SACS: variants seen among roughly 807,000 people sequenced by gnomAD.
SACS encodes sacsin.
Under a neutral mutation model 348.0 loss-of-function variants are expected in SACS, and 197 were observed. That is an observed-to-expected ratio of 0.57 (90% CI 0.50 to 0.64). The LOEUF is 0.64. SACS is among the 30% of genes least tolerant of loss of function. The pLI, the probability that SACS is intolerant of heterozygous loss-of-function variation, is 0.00. For synonymous variants in SACS, 1,985 were observed against 1,910.6 expected, an observed-to-expected ratio of 1.04 and a Z score of -1.02; for missense variants, 4,999 against 5,360.8, an observed-to-expected ratio of 0.93 and a Z score of 2.11.
At chr13:23,379,712 C>G (rs1360550097) in intron 2 of SACS, among the ~76,000 whole-genome samples, 1 of 152,176 alleles carries the variant, frequency 6.6e-6, no homozygotes, top group African/African-American at 2.4e-5. Flanking sequence ...ACAGCAACAC[C>G]TCTGCTTGTA....
At position 23,397,351 on chromosome 13, in the gene SACS, C is replaced by G. The variant is rs931534019; in HGVS notation, c.20+13869G>C. Among the ~76,000 whole-genome samples, 3 of 152,102 alleles carry G rather than the reference C, an allele frequency of 2.0e-5. No individual in the cohort carries two copies. The East Asian group carries it at 5.8e-4, about 29-fold the overall frequency. ...CAAATATAGGACAAAACTTGAATAA[C>G]TATAAAAAGTTGTAAAAGGTTTGTG... is the stretch of plus-strand genomic sequence containing the variant. On this transcript the variant is annotated intron_variant, in intron 2 of 9. Transcript: ENST00000382292.
Position 23,341,371 on chromosome 13 carries a change from C to T in SACS, c.2505G>A (p.Gln835=), listed in dbSNP as rs778888172. Reference sequence around the variant, plus strand: ...CAATGTCTGCTAAAAATTCTGGAAGCTGTGCTTCAGATTCATCGTCTAAAA... The same window carrying T: ...CAATGTCTGCTAAAAATTCTGGAAGTTGTGCTTCAGATTCATCGTCTAAAA... ...LVILDDESEA[Q]LPEFLADIVQ... Residue 835 remains glutamine (Q), a synonymous_variant, in exon 10 of 10, where the codon CAG becomes CAA. Coordinates refer to ENST00000382292, the MANE Select transcript of SACS (RefSeq NM_014363.6). 1.2e-6 allele frequency: 2 copies of T among 1,606,970 alleles called. No individual in the cohort carries two copies. Among genetic ancestry groups the T allele is most frequent in the Middle Eastern group, 1.7e-4 (1 of 6,026 alleles).
rs1868549270 is a variant in SACS at position 23,335,907 on chromosome 13, C to G, written c.7969G>C (p.Gly2657Arg). The G allele has an allele frequency of 1.9e-6, 3 of 1,613,106 alleles. No homozygotes were observed. Among genetic ancestry groups the G allele is most frequent in the Non-Finnish European group, 2.5e-6 (3 of 1,179,194 alleles). Residue 2657 changes from glycine (G) to arginine (R), a missense_variant, in exon 10 of 10, where the codon GGG becomes CGG. Transcript: ENST00000382292. The surrounding 1 kb of genome is among the most constrained non-coding windows in gnomAD (Gnocchi z 4.7). ...IFDPHARYAP[G>R]ATSISPGRMF... ...CGTCCGGGACTAATGGATGTGGCCC[C>G]TGGTGCATATCTGGCATGAGGATCA...
chr13:23,372,272 T>A (rs919268335), intron 3 of SACS, among the ~76,000 whole-genome samples: 5 of 152,206 alleles, frequency 3.3e-5, no homozygotes, highest in African/African-American at 1.2e-4. Context: ...ATGAAAATGA[T>A]GTACAGAAAG....
intron 6 of SACS, among the ~76,000 whole-genome samples, chr13:23,363,426 C>A (rs1371890039): frequency 1.3e-5 from 2 of 150,870 alleles, no homozygotes; most frequent in Non-Finnish European, 3.0e-5. Context: ...CAGGTTTCAA[C>A]ATGTTGGCCA....
rs75717149 is a variant in SACS at position 23,395,529 on chromosome 13, C to G, written c.20+15691G>C. On this transcript the variant is annotated intron_variant, in intron 2 of 9. Transcript: ENST00000382292. ...GTTGTCTTTGAAACCCCTACTTCTCCACCATCCACCTGTCCACTTCTGCCA... is the reference window on the plus strand; with the variant it reads ...GTTGTCTTTGAAACCCCTACTTCTCGACCATCCACCTGTCCACTTCTGCCA... Among the ~76,000 whole-genome samples the G allele has an allele frequency of 9.3e-3, 1,417 of 152,178 alleles. 43 individuals are homozygous for G. Among genetic ancestry groups the G allele is most frequent in the Admixed American group, 0.048 (740 of 15,276 alleles).
rs569711314 is a variant in SACS at position 23,355,750 on chromosome 13, T to A, written c.862A>T (p.Asn288Tyr). The A allele has an allele frequency of 1.2e-6, 2 of 1,614,206 alleles. No individual in the cohort carries two copies. The highest frequency in any genetic ancestry group is 1.7e-5 in the Admixed American group (1 of 60,024). ...AACAACTCAAGAACCTTCTGCTTATTGTAGAGGTTACTACTAAGTTGTGAA... is the reference window on the plus strand; with the variant it reads ...AACAACTCAAGAACCTTCTGCTTATAGTAGAGGTTACTACTAAGTTGTGAA... ...QPSQLSSNLY[N>Y]KQKVLELFES... The change falls in exon 8 of 10, where the codon AAT becomes TAT. Residue 288 changes from asparagine to tyrosine, a missense_variant. Asn to Tyr is a moderately radical substitution (Grantham distance 143). Coordinates refer to ENST00000382292, the MANE Select transcript of SACS (RefSeq NM_014363.6).
intron 1 of SACS, among the ~76,000 whole-genome samples, chr13:23,433,176 C>CAT (rs768030886): frequency 3.3e-4 from 51 of 152,294 alleles, no homozygotes; most frequent in Non-Finnish European, 5.9e-4. Flanking sequence ...AGAATCCCAT[C>CAT]TTATTGTTCA....
chr13:23,429,512 G>A lies in SACS; in HGVS notation c.-502+4103C>T, dbSNP rs537907980. ...TGAGTAACTGGGACTACAGGCGCCC[G>A]CCACCATGCCCGGCTAATTTTTTTG... On this transcript the variant is annotated intron_variant, in intron 1 of 9. Transcript: ENST00000382292. Among the ~76,000 whole-genome samples the A allele has an allele frequency of 5.8e-4, 88 of 151,910 alleles. 1 individual carries two copies. The highest frequency in any genetic ancestry group is 1.8e-3 in the African/African-American group (74 of 41,474).
At chr13:23,356,080 A>T (rs1296681013) in intron 7 of SACS, 73 bp from the exon 8 acceptor site, 1 of 1,288,740 alleles carries the variant, frequency 7.8e-7, no homozygotes, top group Non-Finnish European at 1.1e-6. Flanking sequence ...TATAATAAAT[A>T]TATGAAAAAG....
At chr13:23,430,603 A>G (rs1378100051) in intron 1 of SACS, among the ~76,000 whole-genome samples, 2 of 152,228 alleles carry the variant, frequency 1.3e-5, no homozygotes, top group African/African-American at 4.8e-5. Flanking sequence ...AATTCTAGAT[A>G]CGTATAGAAT....
At chr13:23,420,552 G>C (rs12430080) in intron 1 of SACS, among the ~76,000 whole-genome samples, 2,694 of 152,064 alleles carry the variant, frequency 0.018, 158 homozygotes, top group Admixed American at 0.11. Context: ...GTGGCCCAAT[G>C]TAAATCTGGG....
Position 23,339,704 on chromosome 13 carries a change from A to G in SACS, c.4172T>C (p.Ile1391Thr), listed in dbSNP as rs755961032. The G allele has an allele frequency of 3.7e-5, 59 of 1,614,026 alleles. No homozygotes were observed. The highest frequency in any genetic ancestry group is 4.4e-5 in the Non-Finnish European group (52 of 1,180,008). The part of the protein sequence containing the change: ...IHHSKNPSKL[I>T]MKPIHECCYC... Reference sequence around the variant, plus strand: ...ACAGCATTCGTGAATTGGCTTCATGATAAGTTTAGAAGGATTTTTGCTATG... The same window carrying G: ...ACAGCATTCGTGAATTGGCTTCATGGTAAGTTTAGAAGGATTTTTGCTATG... Residue 1391 changes from isoleucine (I) to threonine (T), a missense_variant, in exon 10 of 10, where the codon ATC (isoleucine) becomes ACC (threonine). Physicochemically the swap from Ile to Thr is moderately conservative, Grantham distance 89. Coordinates refer to ENST00000382292, the MANE Select transcript of SACS (RefSeq NM_014363.6).
intron 2 of SACS, among the ~76,000 whole-genome samples, chr13:23,377,291 T>C (rs951645281): frequency 2.0e-5 from 3 of 152,202 alleles, no homozygotes; most frequent in Non-Finnish European, 2.9e-5. Flanking sequence ...ATGTGAGTTA[T>C]ACCTGAAAAA....
intron 4 of SACS, among the ~76,000 whole-genome samples, chr13:23,369,652 C>G (rs1210810378): frequency 6.6e-6 from 1 of 151,914 alleles, no homozygotes; most frequent in Non-Finnish European, 1.5e-5. Flanking sequence ...TCACGCCATT[C>G]CCCTGCCTCA....
chr13:23,360,820 A>AT (rs896263619), intron 6 of SACS, among the ~76,000 whole-genome samples: 2 of 144,192 alleles, frequency 1.4e-5, no homozygotes, highest in Non-Finnish European at 3.0e-5. Flanking sequence ...CAGTGATGCT[A>AT]TCTCAGCTCA....
chr13:23,358,339 T>C lies in SACS; in HGVS notation c.600A>G (p.Ile200Met), dbSNP rs2137742429. 6.2e-7 allele frequency: 1 copy of C among 1,613,856 alleles called. No individual in the cohort carries two copies. Residue 200 changes from isoleucine (I) to methionine (M), a missense_variant, in exon 7 of 10, where the codon ATA becomes ATG. Physicochemically the swap from Ile to Met is conservative, Grantham distance 10. This residue lies in a region of SACS where 3,156 missense variants were observed against 3,380.1 expected (regional missense o/e 0.93). Coordinates refer to ENST00000382292, the MANE Select transcript of SACS (RefSeq NM_014363.6). ...CCGAAAAGCCTAATACTCTACCTGTTATATGATAGACAGAATTAAACCCAA... is the reference window on the plus strand; with the variant it reads ...CCGAAAAGCCTAATACTCTACCTGTCATATGATAGACAGAATTAAACCCAA... ...FGIGFNSVYH[I>M]TDVPCIFSGD...
rs886050070 is a variant in SACS at position 23,330,364 on chromosome 13, T to C, written c.13512A>G (p.Ala4504=). ...TATATTCCTCTATTTTCTGAGCAAG[T>C]GCAGTTGGTTTTACATCTTTATCAG... The part of the protein sequence containing the change: ...GKSDKDVKPT[A]LAQKIEEYSQ... The change falls in exon 10 of 10, where the codon GCA becomes GCG. Residue 4504 remains alanine, a synonymous_variant. Transcript: ENST00000382292. 1 of 1,614,216 alleles carries C rather than the reference T, an allele frequency of 6.2e-7. No homozygotes were observed. Among genetic ancestry groups the C allele is most frequent in the Non-Finnish European group, 8.5e-7 (1 of 1,180,026 alleles).
chr13:23,385,760 C>G (rs979626110), intron 2 of SACS, among the ~76,000 whole-genome samples: 2 of 152,182 alleles, frequency 1.3e-5, no homozygotes, highest in Non-Finnish European at 2.9e-5. Context: ...TCTATGGCAG[C>G]TATAGCCTCA....
Sources: allele counts gnomAD v4.1 joint callset (sites outside exome capture counted in the v4.1 genomes callset), GRCh38; gene constraint gnomAD v4.1.1; regional missense constraint gnomAD v4.1.1; non-coding constraint Gnocchi (gnomAD v3.1); transcripts MANE v1.5; gene names NCBI Gene and HGNC (gene_info 2026-07-23, HGNC 2026-07-21).